NCAPD2: variants seen among roughly 807,000 people sequenced by gnomAD.
NCAPD2 encodes the protein non-SMC condensin I complex subunit D2.
NCAPD2 carries 100 observed loss-of-function variants against 164.5 expected under a neutral mutation model. That is an observed-to-expected ratio of 0.61 (90% CI 0.52 to 0.72). The LOEUF (loss-of-function observed/expected upper bound fraction) is 0.72. Ranked by LOEUF, NCAPD2 falls within the 30% of genes least tolerant of loss-of-function variation. NCAPD2 has a pLI of 0.00. For missense variants in NCAPD2, 1,560 were observed against 1,749.2 expected, an observed-to-expected ratio of 0.89 and a Z score of 1.93; for synonymous variants, 585 against 642.6, an observed-to-expected ratio of 0.91 and a Z score of 1.36.
intron 2 of NCAPD2, among the ~76,000 whole-genome samples, chr12:6,506,920 C>T (rs1369527176): frequency 1.3e-5 from 2 of 152,166 alleles, no homozygotes; most frequent in Admixed American, 6.5e-5. Context: ...CAATTCAAAT[C>T]GTATTGTTCG....
At chr12:6,518,506 T>TTTTTTTTTTTTG (rs1565544100) in intron 13 of NCAPD2, among the ~76,000 whole-genome samples, 4 of 86,366 alleles carry the variant, frequency 4.6e-5, no homozygotes, top group African/African-American at 1.8e-4. Flanking sequence ...GTCAACAAGT[T>TTTTTTTTTTTTG]TTTTTTTTTT....
intron 9 of NCAPD2, among the ~76,000 whole-genome samples, chr12:6,515,803 T>C (rs182249614): frequency 1.9e-4 from 29 of 152,314 alleles, no homozygotes; most frequent in Admixed American, 3.3e-4. Context: ...GCTGGCACTC[T>C]TAAGGCTGAT....
At chr12:6,495,033 G>A in intron 1 of NCAPD2, 43 bp from the exon 2 acceptor site, 1 of 1,597,414 alleles carries the variant, frequency 6.3e-7, no homozygotes. Context: ...ACGAAGACAG[G>A]TCTTGAATAT....
Position 6,531,177 on chromosome 12 carries a change from C to T in NCAPD2, c.4120+101C>T, listed in dbSNP as rs886519095. ...CTGCGGGGGCCTGAGTGTAGATGCT[C>T]TGCCCCACTGCCGCAGAAGGGCCTC... On this transcript the variant is annotated intron_variant, in intron 31 of 31. Transcript: ENST00000315579. The surrounding 1 kb of genome is among the most constrained non-coding windows in gnomAD (Gnocchi z 4.1). 1.4e-4 allele frequency: 208 copies of T among 1,513,766 alleles called. No individual in the cohort carries two copies. Among genetic ancestry groups the T allele is most frequent in the Non-Finnish European group, 1.8e-4 (199 of 1,104,626 alleles). The allele number at this position is 1,513,766 out of a possible 1,614,324, so 93.8% of individuals were successfully genotyped here. A position where few individuals can be genotyped will look rare whatever the true frequency, so the allele number is the denominator to read the frequency against.
Position 6,528,186 on chromosome 12 carries a change from G to A in NCAPD2, c.3157G>A (p.Asp1053Asn), listed in dbSNP as rs779610078. Residue 1053 changes from aspartate to asparagine, a missense_variant, in exon 25 of 32, where the codon GAC (aspartate) becomes AAC (asparagine). Asp to Asn is a conservative substitution (Grantham distance 23). Coordinates refer to ENST00000315579, the MANE Select transcript of NCAPD2 (RefSeq NM_014865.4). This position sits in a 1 kb window ranked among gnomAD's most constrained non-coding sequence, Gnocchi z 5.1. ...TCTTGCTCTTAGTGCCACTTTCTGC[G>A]ACTCCCAGCTTCGTCTTCTGTTCAC... The part of the protein sequence containing the change: ...KFCMISATFC[D>N]SQLRLLFTML... The A allele has an allele frequency of 7.4e-6, 12 of 1,614,112 alleles. No homozygotes were observed. Among genetic ancestry groups the A allele is most frequent in the South Asian group, 5.5e-5 (5 of 91,064 alleles).
In NCAPD2 at chr12:6,510,637, C is replaced by T. The variant is rs761217214; in HGVS notation, c.271C>T (p.Arg91Cys). 1.4e-5 allele frequency: 23 copies of T among 1,614,042 alleles called. No individual in the cohort carries two copies. Among genetic ancestry groups the T allele is most frequent in the East Asian group, 2.2e-5 (1 of 44,872 alleles). Residue 91 changes from arginine (R) to cysteine (C), a missense_variant, in exon 5 of 32, where the codon CGC becomes TGC. Physicochemically the swap from Arg to Cys is radical, Grantham distance 180. Coordinates refer to ENST00000315579, the MANE Select transcript of NCAPD2 (RefSeq NM_014865.4). ...TLQFLIKVVS[R>C]HSQELPAILD... The stretch of plus-strand genomic sequence containing the variant: ...GATTCTGCCCCTCACAGTGGTATCC[C>T]GCCACTCCCAGGAGCTTCCAGCTAT...
At chr12:6,524,814 T>C (rs1364268215) in intron 17 of NCAPD2, among the ~76,000 whole-genome samples, 1 of 152,180 alleles carries the variant, frequency 6.6e-6, no homozygotes, top group Admixed American at 6.5e-5. Flanking sequence ...AGCATTTGCA[T>C]TGCGGGCACA....
At chr12:6,504,552 C>G (rs1157081989) in intron 2 of NCAPD2, among the ~76,000 whole-genome samples, 1 of 151,986 alleles carries the variant, frequency 6.6e-6, no homozygotes, top group East Asian at 1.9e-4. Context: ...AATATTGCAC[C>G]TGGCTAATTT....
intron 13 of NCAPD2, among the ~76,000 whole-genome samples, chr12:6,520,661 G>GA (rs1946255738): frequency 6.6e-6 from 1 of 152,112 alleles, no homozygotes; most frequent in Admixed American, 6.5e-5. Context: ...CTAAACTTAG[G>GA]AAAGTTTTTA....
rs1946371547 is a variant in NCAPD2, at chr12:6,531,347, G to A, written c.4141G>A (p.Glu1381Lys). 6.2e-7 allele frequency: 1 copy of A among 1,613,768 alleles called. No individual in the cohort carries two copies. Among genetic ancestry groups the A allele is most frequent in the Non-Finnish European group, 8.5e-7 (1 of 1,179,964 alleles). ...CATAGATCTTTCAGCAGAGATGACA[G>A]AAGACGAGACACCCAAGAAAACAAC... ...SEEDLSAEMT[E>K]DETPKKTTPI... Residue 1381 changes from glutamate to lysine, a missense_variant, in exon 32 of 32, where the codon GAA becomes AAA. Coordinates refer to ENST00000315579, the MANE Select transcript of NCAPD2 (RefSeq NM_014865.4). This position sits in a 1 kb window ranked among gnomAD's most constrained non-coding sequence, Gnocchi z 4.1.
Position 6,521,087 on chromosome 12 carries a change from A to G in NCAPD2, c.1691A>G (p.Asn564Ser). ...GAGTCAGAGGAGACCAGGCTCTTGAATATCTTAGGACTTATCTTCAAAGGT... is the reference window on the plus strand; with the variant it reads ...GAGTCAGAGGAGACCAGGCTCTTGAGTATCTTAGGACTTATCTTCAAAGGT... The part of the protein sequence containing the change: ...PEESEETRLL[N>S]ILGLIFKGPA... The change falls in exon 14 of 32, where the codon AAT (asparagine) becomes AGT (serine). Residue 564 changes from asparagine to serine, a missense_variant. Asn to Ser is a conservative substitution (Grantham distance 46). Coordinates refer to ENST00000315579, the MANE Select transcript of NCAPD2 (RefSeq NM_014865.4). 1 of 1,614,198 alleles carries G rather than the reference A, an allele frequency of 6.2e-7. No homozygotes were observed. Among genetic ancestry groups the G allele is most frequent in the Non-Finnish European group, 8.5e-7 (1 of 1,180,018 alleles).
chr12:6,513,746 C>T (rs544981378), intron 6 of NCAPD2, among the ~76,000 whole-genome samples: 7 of 35,844 alleles, frequency 2.0e-4, no homozygotes, highest in Non-Finnish European at 1.2e-4. Flanking sequence ...GATGGAGTCT[C>T]GCAATGTCGC....
At chr12:6,511,390 T>A in intron 6 of NCAPD2, 138 bp downstream of exon 6, 1 of 1,047,234 alleles carries the variant, frequency 9.5e-7, no homozygotes, top group Non-Finnish European at 1.3e-6. Flanking sequence ...TGGAGCGCAG[T>A]GGTTCAATCT....
At chr12:6,511,408 C>T (rs1452239076) in intron 6 of NCAPD2, among the ~76,000 whole-genome samples, 156 bp downstream of exon 6, 1 of 152,082 alleles carries the variant, frequency 6.6e-6, no homozygotes, top group Non-Finnish European at 1.5e-5. Context: ...TCTCGGCTCA[C>T]TGCAGCCTCT....
chr12:6,531,100 G>C lies in NCAPD2; in HGVS notation c.4120+24G>C. 4.3e-6 allele frequency: 7 copies of C among 1,612,020 alleles called. No individual in the cohort carries two copies. The highest frequency in any genetic ancestry group is 5.9e-6 in the Non-Finnish European group (7 of 1,179,756). ...AGGTATGATGCTCCCGCCTGTTCCC[G>C]GCCGAGAAGGCACACAGCTAGGGTG... On this transcript the variant is annotated intron_variant, in intron 31 of 31. Transcript: ENST00000315579. This position sits in a 1 kb window ranked among gnomAD's most constrained non-coding sequence, Gnocchi z 4.1.
At chr12:6,525,484 T>G (rs2137058890) in intron 17 of NCAPD2, 99 bp from the exon 18 acceptor site, 1 of 1,393,364 alleles carries the variant, frequency 7.2e-7, no homozygotes, top group South Asian at 1.3e-5. Context: ...AAGTATTACT[T>G]TTGTCTACTT....
intron 2 of NCAPD2, among the ~76,000 whole-genome samples, chr12:6,498,679 C>A (rs557119919): frequency 1.3e-5 from 2 of 152,036 alleles, no homozygotes; most frequent in Non-Finnish European, 2.9e-5. Flanking sequence ...GTGATCTCAG[C>A]TCACTGCAAC....
chr12:6,519,388 G>A (rs1249863069), intron 13 of NCAPD2, among the ~76,000 whole-genome samples: 3 of 152,168 alleles, frequency 2.0e-5, no homozygotes, highest in South Asian at 4.1e-4. Flanking sequence ...TCTCACTGTT[G>A]CCCAGGCTGG....
At chr12:6,525,972 ACCACATGAGGTGCTGGTAC>A in intron 18 of NCAPD2, 77 bp from the exon 19 acceptor site, 1 of 1,491,614 alleles carries the variant, frequency 6.7e-7, no homozygotes, top group Non-Finnish European at 9.1e-7. Context: ...GGCTCTAGAC[ACCACATGAGGTGCTGGTAC>A]CTACCCCTAT....
Sources: allele counts gnomAD v4.1 joint callset (sites outside exome capture counted in the v4.1 genomes callset), GRCh38; gene constraint gnomAD v4.1.1; non-coding constraint Gnocchi (gnomAD v3.1); transcripts MANE v1.5; gene names NCBI Gene and HGNC (gene_info 2026-07-23, HGNC 2026-07-21).